The following ZFHX3 variants were observed in gnomAD, a reference collection of about 807,000 sequenced individuals.
ZFHX3 encodes the protein zinc finger homeobox protein 3.
In ZFHX3, 42 loss-of-function variants were observed where a neutral mutation model predicts 279.1. The ratio of observed to expected loss-of-function variants is 0.15; its 90% confidence interval spans 0.12 to 0.19. ZFHX3 has a LOEUF of 0.19. ZFHX3 is among the 10% of genes least tolerant of loss of function. ZFHX3 has a pLI of 1.00. For missense variants in ZFHX3, 4,981 were observed against 4,754.0 expected (o/e 1.05, Z -1.40); for synonymous variants, 2,293 against 1,957.8 (o/e 1.17, Z -4.52).
intron 6 of ZFHX3, among the ~76,000 whole-genome samples, chr16:73,138,713 G>A (rs566938540): frequency 6.6e-6 from 1 of 151,876 alleles, no homozygotes; most frequent in Non-Finnish European, 1.5e-5. Flanking sequence ...TTTGAGATAG[G>A]GTCTCACTCT....
Position 73,810,532 on chromosome 16 carries a change from G to A in ZFHX3, c.-1608+81119C>T, listed in dbSNP as rs560580206. 2.3e-3 allele frequency among the ~76,000 whole-genome samples: 357 copies of A among 152,270 alleles called. 2 individuals are homozygous for A. Among genetic ancestry groups the A allele is most frequent in the Middle Eastern group, 0.014 (4 of 294 alleles). ...ACTTCAGACAATAGCAATATCTAAT[G>A]TTTTTACAGCACTTTATAGAGAGTT... is the stretch of plus-strand genomic sequence containing the variant. On this transcript the variant is annotated intron_variant, in intron 1 of 17. Transcript: ENST00000641206.
chr16:73,778,762 G>T (rs1451460717), intron 1 of ZFHX3, among the ~76,000 whole-genome samples: 1 of 152,160 alleles, frequency 6.6e-6, no homozygotes, highest in Non-Finnish European at 1.5e-5. Flanking sequence ...TGGTAAGACG[G>T]CAATGCAGGA....
At chr16:72,837,502 G>T (rs2037225132) in intron 4 of ZFHX3, among the ~76,000 whole-genome samples, 1 of 143,068 alleles carries the variant, frequency 7.0e-6, no homozygotes, top group African/African-American at 2.6e-5. Context: ...TTTTTGAGAC[G>T]GGGTCTTTCT....
intron 5 of ZFHX3, among the ~76,000 whole-genome samples, chr16:73,192,835 T>A (rs1968072581): frequency 6.6e-6 from 1 of 152,162 alleles, no homozygotes; most frequent in African/African-American, 2.4e-5. Flanking sequence ...TCCCTCTCCT[T>A]TTTCTTGTCT....
At chr16:73,245,839 A>G (rs898820785) in intron 5 of ZFHX3, among the ~76,000 whole-genome samples, 136 of 152,252 alleles carry the variant, frequency 8.9e-4, no homozygotes, top group African/African-American at 3.1e-3. Context: ...AAAGCGTAAG[A>G]GTAAGGGTCC....
Position 72,788,217 on chromosome 16 carries a change from C to G in ZFHX3, c.10059G>C (p.Met3353Ile). Residue 3353 changes from methionine (M) to isoleucine (I), a missense_variant, in exon 10 of 10, where the codon ATG becomes ATC. Coordinates refer to ENST00000268489, the MANE Select transcript of ZFHX3 (RefSeq NM_006885.4). ...GCAGTAGGGAGCCTGGGGACAGCCC[C>G]ATCAGGGCCTGCGACAGTGCAGGGC... ...PYSPALSQAL[M>I]GLSPGSLLQQ... is the part of the protein sequence containing the mutation. The G allele has an allele frequency of 6.2e-7, 1 of 1,613,486 alleles. No individual in the cohort carries two copies. Among genetic ancestry groups the G allele is most frequent in the Non-Finnish European group, 8.5e-7 (1 of 1,179,588 alleles).
At chr16:73,481,123 G>C (rs2018857505) in intron 2 of ZFHX3, among the ~76,000 whole-genome samples, 1 of 152,078 alleles carries the variant, frequency 6.6e-6, no homozygotes, top group Non-Finnish European at 1.5e-5. Context: ...TTGAGGTCAG[G>C]TTTGAGACCA....
chr16:73,695,344 C>A (rs1237007189), intron 1 of ZFHX3, among the ~76,000 whole-genome samples: 1 of 150,684 alleles, frequency 6.6e-6, no homozygotes, highest in Non-Finnish European at 1.5e-5. Flanking sequence ...TCAAGCAATT[C>A]TCCTGCCTCA....
intron 1 of ZFHX3, among the ~76,000 whole-genome samples, chr16:73,844,698 A>G (rs1313581200): frequency 1.3e-5 from 2 of 151,790 alleles, no homozygotes; most frequent in Non-Finnish European, 2.9e-5. Flanking sequence ...CGATAGAGAG[A>G]GATCAGATAA....
chr16:73,039,776 C>A (rs548132378), intron 1 of ZFHX3, among the ~76,000 whole-genome samples: 2 of 152,072 alleles, frequency 1.3e-5, no homozygotes, highest in African/African-American at 4.8e-5. Flanking sequence ...GTCAGGCAAT[C>A]CTGCCTAGGC....
rs939569782 is a variant in ZFHX3, at chr16:72,959,787, C to T, written c.359G>A (p.Gly120Glu). ...EESASDTGEEGDEESDVENLA... is the reference protein window; with the variant it reads ...EESASDTGEEEDEESDVENLA... ...GTTCTCCACGTCACTCTCCTCGTCC[C>T]CCTCCTCACCGGTGTCGCTGGCGCT... The change falls in exon 2 of 10, where the codon GGG becomes GAG. Residue 120 changes from glycine to glutamate, a missense_variant. Around this residue, in one of 7 missense-constraint regions of ZFHX3, gnomAD observed 1,068 missense variants for 935.2 expected, o/e 1.14. Coordinates refer to ENST00000268489, the MANE Select transcript of ZFHX3 (RefSeq NM_006885.4). The T allele has an allele frequency of 3.7e-6, 6 of 1,601,374 alleles. No individual in the cohort carries two copies. The East Asian group carries it at 1.3e-4, about 36-fold the overall frequency.
At chr16:73,540,756 A>C (rs1031753602) in intron 2 of ZFHX3, among the ~76,000 whole-genome samples, 8 of 152,184 alleles carry the variant, frequency 5.3e-5, no homozygotes, top group Admixed American at 2.6e-4. Flanking sequence ...CCTCAATGGC[A>C]ACCAAGACTG....
At chr16:73,275,331 GTGTC>G (rs1455529479) in intron 4 of ZFHX3, among the ~76,000 whole-genome samples, 2 of 152,172 alleles carry the variant, frequency 1.3e-5, no homozygotes, top group Non-Finnish European at 2.9e-5. Flanking sequence ...GGAAATCTGT[GTGTC>G]TGTATTTCCC....
chr16:73,014,518 C>G (rs111517460), intron 1 of ZFHX3: 1 of 63,366 alleles, frequency 1.6e-5, no homozygotes, highest in East Asian at 5.3e-4. Flanking sequence ...ATTTCTTCTT[C>G]TTTTTTTTTT....
rs994539836 is a variant in ZFHX3 at position 73,598,569 on chromosome 16, C to T, written c.-1547+81611G>A. Among the ~76,000 whole-genome samples the T allele has an allele frequency of 4.0e-5, 6 of 151,680 alleles. No homozygotes were observed. The East Asian group carries it at 7.8e-4, about 20-fold the overall frequency. ...AGTAGCTAGGACCACAAGCACGCATCGCCACGCCCGACCAATTTTTAAAAT... is the reference window on the plus strand; with the variant it reads ...AGTAGCTAGGACCACAAGCACGCATTGCCACGCCCGACCAATTTTTAAAAT... On this transcript the variant is annotated intron_variant, in intron 2 of 17. Transcript: ENST00000641206.
chr16:73,324,797 G>A (rs2015647107), intron 3 of ZFHX3, among the ~76,000 whole-genome samples: 1 of 152,172 alleles, frequency 6.6e-6, no homozygotes, highest in African/African-American at 2.4e-5. Flanking sequence ...AGGACTGGAA[G>A]GGTCAAGTTA....
Position 73,687,323 on chromosome 16 carries a change from T to A in ZFHX3, c.-1607-7083A>T, listed in dbSNP as rs1403123853. On this transcript the variant is annotated intron_variant, in intron 1 of 17. Transcript: ENST00000641206. ...GGAAGGATCACTTGAGCTTGGGAGG[T>A]GGAGGCTGCAGTGAGCACCACCGCA... Among the ~76,000 whole-genome samples, 5 of 147,276 alleles carry A rather than the reference T, an allele frequency of 3.4e-5. No homozygotes were observed. In the South Asian group the frequency reaches 1.1e-3, roughly 32 times the overall value.
intron 1 of ZFHX3, among the ~76,000 whole-genome samples, chr16:73,758,285 A>C (rs2142278411): frequency 6.6e-6 from 1 of 152,310 alleles, no homozygotes; most frequent in South Asian, 2.1e-4. Flanking sequence ...TACCGACTCT[A>C]AGTGAGGCAT....
chr16:73,610,448 C>T (rs1226961858), intron 2 of ZFHX3, among the ~76,000 whole-genome samples: 1 of 152,144 alleles, frequency 6.6e-6, no homozygotes, highest in East Asian at 1.9e-4. Flanking sequence ...TGTGCATTTT[C>T]CCCCTCTGCT....
Sources: allele counts gnomAD v4.1 joint callset (sites outside exome capture counted in the v4.1 genomes callset), GRCh38; gene constraint gnomAD v4.1.1; regional missense constraint gnomAD v4.1.1; transcripts MANE v1.5; gene names NCBI Gene and HGNC (gene_info 2026-07-23, HGNC 2026-07-21).